Variants in PCDHGA2 observed in about 807,000 individuals in gnomAD.
The protein encoded by PCDHGA2 is protocadherin gamma subfamily A, 2.
PCDHGA2 carries 40 observed loss-of-function variants against 59.2 expected under a neutral mutation model. The ratio of observed to expected loss-of-function variants is 0.68; its 90% CI spans 0.52 to 0.88. PCDHGA2 has a LOEUF of 0.88. Ranked by LOEUF, PCDHGA2 falls within the 40% of genes least tolerant of loss-of-function variation. PCDHGA2 has a pLI of 0.00. For synonymous variants in PCDHGA2, 560 were observed against 526.0 expected, an observed-to-expected ratio of 1.06 and a Z score of -0.89; for missense variants, 1,226 against 1,204.0, an observed-to-expected ratio of 1.02 and a Z score of -0.27.
At chr5:141,400,262 G>T (rs1485452553) in intron 1 of PCDHGA2, 1 of 1,613,914 alleles carries the variant, frequency 6.2e-7, no homozygotes, top group African/African-American at 1.3e-5. Flanking sequence ...TTGCGCCTGC[G>T]ACGCTCCTCC....
At chr5:141,378,342 G>T (rs1774822998) in intron 1 of PCDHGA2, 1 of 152,204 alleles carries the variant, frequency 6.6e-6, no homozygotes, top group African/African-American at 2.4e-5. Context: ...GACCAACATG[G>T]TGAAACCCCG....
intron 1 of PCDHGA2, among the ~76,000 whole-genome samples, chr5:141,368,131 T>G (rs1463973609): frequency 6.6e-6 from 1 of 152,198 alleles, no homozygotes; most frequent in Non-Finnish European, 1.5e-5. Flanking sequence ...TTCTTAATCC[T>G]TCAAATTTTG....
intron 1 of PCDHGA2, chr5:141,419,997 T>C: frequency 2.5e-6 from 4 of 1,614,088 alleles, no homozygotes; most frequent in Non-Finnish European, 3.4e-6. Flanking sequence ...GCTATTGCTC[T>C]ACGCCTGCGA....
chr5:141,435,629 A>G (rs2097772414), intron 1 of PCDHGA2, among the ~76,000 whole-genome samples: 1 of 152,162 alleles, frequency 6.6e-6, no homozygotes, highest in Admixed American at 6.5e-5. Flanking sequence ...TAACTTTTAC[A>G]ACTATGGGAA....
intron 1 of PCDHGA2, among the ~76,000 whole-genome samples, chr5:141,353,535 A>G (rs1271691145): frequency 6.6e-6 from 1 of 152,196 alleles, no homozygotes; most frequent in Admixed American, 6.5e-5. Context: ...TATTTGCATC[A>G]CTAACTTTGA....
chr5:141,494,751 G>A, intron 1 of PCDHGA2, 56 bp from the exon 2 acceptor site: 2 of 1,613,426 alleles, frequency 1.2e-6, no homozygotes, highest in Non-Finnish European at 8.5e-7. Flanking sequence ...AGGGGCTCGG[G>A]TGACATTCTA....
Position 141,340,911 on chromosome 5 carries a change from A to G in PCDHGA2, c.1940A>G (p.Gln647Arg). The change falls in exon 1 of 4, where the codon CAG becomes CGG. Residue 647 changes from glutamine to arginine, a missense_variant. Transcript: ENST00000394576. Reference protein sequence around the residue: ...ALKQSLVVAIQDHGQPPLSAT... With the variant: ...ALKQSLVVAIRDHGQPPLSAT... ...AAGCAGAGCCTCGTGGTGGCCATCCAGGACCACGGCCAGCCCCCTCTCTCC... is the reference window on the plus strand; with the variant it reads ...AAGCAGAGCCTCGTGGTGGCCATCCGGGACCACGGCCAGCCCCCTCTCTCC... 6.2e-7 allele frequency: 1 copy of G among 1,613,766 alleles called. No individual in the cohort carries two copies. The highest frequency in any genetic ancestry group is 8.5e-7 in the Non-Finnish European group (1 of 1,179,922).
At chr5:141,355,170 G>C (rs200043254) in intron 1 of PCDHGA2, 12 of 1,569,662 alleles carry the variant, frequency 7.6e-6, no homozygotes, top group African/African-American at 2.7e-5. Context: ...AGGGAAAACC[G>C]AAGCACAGGC....
chr5:141,458,054 T>G (rs2098935656), intron 1 of PCDHGA2, among the ~76,000 whole-genome samples: 1 of 152,252 alleles, frequency 6.6e-6, no homozygotes, highest in Admixed American at 6.5e-5. Context: ...GGATTCTTGC[T>G]GCACTGATGC....
At chr5:141,421,306 T>C (rs1356157966) in intron 1 of PCDHGA2, 1 of 1,613,564 alleles carries the variant, frequency 6.2e-7, no homozygotes, top group South Asian at 1.1e-5. Context: ...GCTGCGGGGG[T>C]TCCGGGCCAG....
intron 1 of PCDHGA2, chr5:141,419,411 C>A (rs757881409): frequency 1.9e-6 from 3 of 1,613,462 alleles, no homozygotes; most frequent in Non-Finnish European, 2.5e-6. Context: ...GTTCGCGCAG[C>A]GCGCCTTCGA....
At chr5:141,398,255 A>T (rs1244403375) in intron 1 of PCDHGA2, 1 of 1,457,928 alleles carries the variant, frequency 6.9e-7, no homozygotes, top group African/African-American at 1.4e-5. Context: ...GAAATGCCCA[A>T]GGGCTCCGTA....
chr5:141,405,797 T>C (rs1589594153), intron 1 of PCDHGA2, among the ~76,000 whole-genome samples: 1 of 148,508 alleles, frequency 6.7e-6, no homozygotes, highest in Non-Finnish European at 1.5e-5. Flanking sequence ...CTATTATAGT[T>C]AGCTTTCTCT....
At chr5:141,409,163 G>A in intron 1 of PCDHGA2, 1 of 1,614,026 alleles carries the variant, frequency 6.2e-7, no homozygotes. Context: ...GGAAGTGGAA[G>A]CGAAGGACGG....
At chr5:141,433,308 C>A in intron 1 of PCDHGA2, 2 of 915,352 alleles carry the variant, frequency 2.2e-6, no homozygotes, top group Non-Finnish European at 1.6e-6. Context: ...ATTATCCCAC[C>A]TTTGCCTCCG....
chr5:141,417,038 T>TTA (rs1491140470), intron 1 of PCDHGA2: 1 of 145,854 alleles, frequency 6.9e-6, no homozygotes, highest in Non-Finnish European at 1.5e-5. Context: ...GTTTTTTTTT[T>TTA]AAAAAAAACT....
chr5:141,432,964 G>A lies in PCDHGA2; in HGVS notation c.2425-61843G>A, dbSNP rs2097554835. On this transcript the variant is annotated intron_variant, in intron 1 of 3. Transcript: ENST00000394576. This position sits in a 1 kb window ranked among gnomAD's most constrained non-coding sequence, Gnocchi z 6.0. Reference sequence around the variant, plus strand: ...CTTCAGGAGGCGGCTTGACAGGAGCGCCGGCGTCGCACTTTGTGGGCGTGG... The same window carrying A: ...CTTCAGGAGGCGGCTTGACAGGAGCACCGGCGTCGCACTTTGTGGGCGTGG... The A allele has an allele frequency of 6.2e-7, 1 of 1,614,044 alleles. No homozygotes were observed. Among genetic ancestry groups the A allele is most frequent in the African/African-American group, 1.3e-5 (1 of 74,934 alleles).
chr5:141,441,136 GA>G (rs1379465827), intron 1 of PCDHGA2: 2 of 152,304 alleles, frequency 1.3e-5, no homozygotes, highest in Middle Eastern at 3.4e-3. Flanking sequence ...CGAATTTCTA[GA>G]AGATAATGAC....
chr5:141,418,635 C>G, intron 1 of PCDHGA2: 1 of 1,614,018 alleles, frequency 6.2e-7, no homozygotes. Flanking sequence ...CCTCCAGGCA[C>G]CTCCATCCTG....
Sources: allele counts gnomAD v4.1 joint callset (sites outside exome capture counted in the v4.1 genomes callset), GRCh38; gene constraint gnomAD v4.1.1; non-coding constraint Gnocchi (gnomAD v3.1); transcripts MANE v1.5; gene names NCBI Gene and HGNC (gene_info 2026-07-23, HGNC 2026-07-21).